UBE2Q2: variants seen among roughly 807,000 people sequenced by gnomAD.
UBE2Q2 encodes ubiquitin conjugating enzyme E2 Q2.
A neutral mutation model predicts 59.9 loss-of-function variants in UBE2Q2; 54 were observed. That is an observed-to-expected ratio of 0.90 (90% CI 0.72 to 1.13). The LOEUF is 1.13. Ranked by LOEUF, UBE2Q2 falls within the 50% of genes most tolerant of loss-of-function variation. The pLI is 0.00. For missense variants in UBE2Q2, 433 were observed against 441.9 expected (o/e 0.98, Z 0.18); for synonymous variants, 165 against 155.2 (o/e 1.06, Z -0.47).
At chr15:75,867,782 C>T (rs2604406) in intron 3 of UBE2Q2, among the ~76,000 whole-genome samples, 1 of 151,998 alleles carries the variant, frequency 6.6e-6, no homozygotes, top group Non-Finnish European at 1.5e-5. Flanking sequence ...ATTGGCATTT[C>T]GAAAATGCTC....
chr15:75,845,514 T>C (rs1181758466), intron 1 of UBE2Q2, among the ~76,000 whole-genome samples: 3 of 151,836 alleles, frequency 2.0e-5, no homozygotes, highest in East Asian at 3.9e-4. Context: ...CACGAAAAGG[T>C]AGGGCTGGTT....
intron 3 of UBE2Q2, among the ~76,000 whole-genome samples, chr15:75,865,338 G>A (rs1026102837): frequency 6.6e-6 from 1 of 152,158 alleles, no homozygotes; most frequent in Non-Finnish European, 1.5e-5. Flanking sequence ...TGTGAAATTT[G>A]TTCCTATTGT....
chr15:75,892,722 A>C (rs1437541893), intron 11 of UBE2Q2, among the ~76,000 whole-genome samples: 1 of 152,076 alleles, frequency 6.6e-6, no homozygotes, highest in African/African-American at 2.4e-5. Context: ...CACCCTAAAA[A>C]AACAATTAGC....
intron 9 of UBE2Q2, among the ~76,000 whole-genome samples, chr15:75,884,800 C>A (rs1342430947): frequency 6.6e-6 from 1 of 152,010 alleles, no homozygotes; most frequent in Non-Finnish European, 1.5e-5. Context: ...GCTGGGATGC[C>A]ACCATGCCCA....
intron 9 of UBE2Q2, among the ~76,000 whole-genome samples, chr15:75,887,005 T>C (rs764718038): frequency 2.6e-5 from 4 of 152,198 alleles, no homozygotes; most frequent in Admixed American, 1.3e-4. Context: ...ACAAATATTT[T>C]ATGCATAATG....
chr15:75,891,668 C>T (rs1899116435), intron 11 of UBE2Q2, among the ~76,000 whole-genome samples: 1 of 152,126 alleles, frequency 6.6e-6, no homozygotes, highest in Non-Finnish European at 1.5e-5. Flanking sequence ...GCCCTAGGCC[C>T]AACCAAGAGG....
intron 1 of UBE2Q2, among the ~76,000 whole-genome samples, chr15:75,848,750 A>C (rs1363085867): frequency 6.6e-6 from 1 of 152,012 alleles, no homozygotes; most frequent in Non-Finnish European, 1.5e-5. Context: ...TGGGGAATTG[A>C]GTTGAATGGA....
At chr15:75,852,634 C>T (rs1422880130) in intron 1 of UBE2Q2, among the ~76,000 whole-genome samples, 1 of 152,060 alleles carries the variant, frequency 6.6e-6, no homozygotes, top group Non-Finnish European at 1.5e-5. Flanking sequence ...TTTCTTTAGC[C>T]TAAGGGAAAA....
chr15:75,876,104 T>A, intron 5 of UBE2Q2, 83 bp from the exon 6 acceptor site: 1 of 1,358,124 alleles, frequency 7.4e-7, no homozygotes, highest in African/African-American at 1.5e-5. Flanking sequence ...TGATCCATTT[T>A]TGCTGTAATC....
chr15:75,871,214 C>G (rs1192865308), intron 4 of UBE2Q2, among the ~76,000 whole-genome samples: 1 of 152,254 alleles, frequency 6.6e-6, no homozygotes, highest in Admixed American at 6.5e-5. Context: ...AGCAGTATTG[C>G]TGCCCGCATG....
chr15:75,892,364 A>G lies in UBE2Q2; in HGVS notation c.1029+1350A>G, dbSNP rs553724821. Among the ~76,000 whole-genome samples, 10 of 152,314 alleles carry G rather than the reference A, an allele frequency of 6.6e-5. No homozygotes were observed. The East Asian group carries it at 1.9e-3, about 29-fold the overall frequency. On this transcript the variant is annotated intron_variant, in intron 11 of 12. Transcript: ENST00000267938. ...AATTGTCAGAAATAATAAATAATAG[A>G]TATGTTTCCCAAGGACAGTAGGTTT...
intron 4 of UBE2Q2, among the ~76,000 whole-genome samples, chr15:75,871,732 T>C (rs1158681891): frequency 2.0e-5 from 3 of 152,226 alleles, no homozygotes; most frequent in Non-Finnish European, 4.4e-5. Flanking sequence ...CAGAAGAATT[T>C]TTCTTAGTAC....
chr15:75,885,066 A>G (rs1416376630), intron 9 of UBE2Q2, among the ~76,000 whole-genome samples: 2 of 151,982 alleles, frequency 1.3e-5, no homozygotes, highest in African/African-American at 4.8e-5. Context: ...GACACCTGCA[A>G]CCTAATCTTT....
At chr15:75,873,064 A>G (rs766066318) in intron 4 of UBE2Q2, among the ~76,000 whole-genome samples, 8 of 152,218 alleles carry the variant, frequency 5.3e-5, no homozygotes, top group Non-Finnish European at 1.2e-4. Flanking sequence ...TTAGAATACA[A>G]TTCTAGAAGT....
intron 9 of UBE2Q2, among the ~76,000 whole-genome samples, chr15:75,883,636 C>T (rs1898581666): frequency 1.3e-5 from 2 of 151,308 alleles, no homozygotes; most frequent in East Asian, 3.9e-4. Context: ...ATATAGTGTG[C>T]ACCAGAAACA....
chr15:75,876,870 G>A (rs549744305), intron 6 of UBE2Q2, among the ~76,000 whole-genome samples: 35 of 152,044 alleles, frequency 2.3e-4, no homozygotes, highest in Non-Finnish European at 4.1e-4. Context: ...TGAAAAGATA[G>A]CATTGGTTGG....
chr15:75,856,267 G>GTA lies in UBE2Q2; in HGVS notation c.282+1781_282+1782insAT, dbSNP rs1420489766. ...TATACGTGTGTGTGTGTGTGTGTGT[G>GTA]TGTATATATATATATATATATATAT... On this transcript the variant is annotated intron_variant, in intron 2 of 12. Coordinates refer to ENST00000267938, the MANE Select transcript of UBE2Q2 (RefSeq NM_173469.4). 1.7e-4 allele frequency among the ~76,000 whole-genome samples: 17 copies of GTA among 102,444 alleles called. 1 individual carries two copies. The highest frequency in any genetic ancestry group is 1.1e-3 in the South Asian group (4 of 3,788). 67.2% of individuals were successfully genotyped at this position (102,444 alleles called of 152,430 possible). A position where few individuals can be genotyped will look rare whatever the true frequency, so the allele number is the denominator to read the frequency against.
chr15:75,845,579 G>GT (rs1164763632), intron 1 of UBE2Q2, among the ~76,000 whole-genome samples: 1 of 152,112 alleles, frequency 6.6e-6, no homozygotes, highest in Non-Finnish European at 1.5e-5. Flanking sequence ...GTTTACTCAG[G>GT]TAAGTTGGGA....
At chr15:75,884,733 C>G (rs1898657948) in intron 9 of UBE2Q2, among the ~76,000 whole-genome samples, 1 of 152,116 alleles carries the variant, frequency 6.6e-6, no homozygotes, top group Non-Finnish European at 1.5e-5. Context: ...TGTCATGGCT[C>G]ACTGCAATCT....
Sources: gnomAD v4.1 joint callset for allele counts (sites outside exome capture counted in the v4.1 genomes callset) on GRCh38, gnomAD v4.1.1 for gene constraint, MANE v1.5 for transcripts, NCBI Gene and HGNC (gene_info 2026-07-23, HGNC 2026-07-21) for gene names.